The following MAP3K5 variants were observed in gnomAD, a reference collection of about 807,000 sequenced individuals.
MAP3K5 encodes the protein mitogen-activated protein kinase kinase kinase 5, also known as ASK-1.
In MAP3K5, 56 loss-of-function variants were observed where a neutral mutation model predicts 158.7. That is an observed-to-expected ratio of 0.35 (90% confidence interval 0.28 to 0.44). The LOEUF (loss-of-function observed/expected upper bound fraction) is 0.44, where lower values mean the gene tolerates loss of function less well. Ranked by LOEUF, MAP3K5 falls within the 20% of genes least tolerant of loss-of-function variation. The pLI, the probability that MAP3K5 is intolerant of heterozygous loss-of-function variation, is 1.00. For synonymous variants in MAP3K5, 579 were observed against 601.7 expected, an observed-to-expected ratio of 0.96 and a Z score of 0.55; for missense variants, 1,294 against 1,674.8, an observed-to-expected ratio of 0.77 and a Z score of 3.97.
At chr6:136,771,624 T>G (rs1000166546) in intron 1 of MAP3K5, among the ~76,000 whole-genome samples, 8 of 152,176 alleles carry the variant, frequency 5.3e-5, no homozygotes, top group African/African-American at 1.4e-4. Flanking sequence ...GAGCTACTAC[T>G]CTCTGCCTAC....
intron 11 of MAP3K5, among the ~76,000 whole-genome samples, chr6:136,650,763 T>TA (rs1469312695): frequency 1.3e-5 from 2 of 152,238 alleles, no homozygotes; most frequent in African/African-American, 4.8e-5. Context: ...CCATCTATAA[T>TA]AAAAATCCAA....
chr6:136,767,132 T>C (rs989612659), intron 1 of MAP3K5, among the ~76,000 whole-genome samples: 3 of 152,160 alleles, frequency 2.0e-5, no homozygotes, highest in African/African-American at 7.2e-5. Flanking sequence ...TTTCAAAAAA[T>C]ATTCTGACTT....
At chr6:136,651,390 ATAACTT>A (rs1305145330) in intron 10 of MAP3K5, among the ~76,000 whole-genome samples, 1 of 152,228 alleles carries the variant, frequency 6.6e-6, no homozygotes, top group Non-Finnish European at 1.5e-5. Flanking sequence ...TCTACTAGTG[ATAACTT>A]TAAAAAATCT....
intron 23 of MAP3K5, among the ~76,000 whole-genome samples, chr6:136,591,639 A>G (rs1049119311): frequency 3.3e-5 from 5 of 152,248 alleles, no homozygotes; most frequent in Non-Finnish European, 7.3e-5. Context: ...ATTTTGCTTC[A>G]GTCACAGTTT....
At chr6:136,672,145 G>A (rs769228410) in intron 7 of MAP3K5, among the ~76,000 whole-genome samples, 8 of 152,090 alleles carry the variant, frequency 5.3e-5, no homozygotes, top group Non-Finnish European at 1.0e-4. Flanking sequence ...TTGTATTGTG[G>A]ACAAATATTA....
At chr6:136,593,448 C>T (rs1185959480) in intron 21 of MAP3K5, among the ~76,000 whole-genome samples, 1 of 152,140 alleles carries the variant, frequency 6.6e-6, no homozygotes, top group East Asian at 1.9e-4. Flanking sequence ...TGAGTTGCCA[C>T]TCGGGCCCAC....
At chr6:136,683,186 G>C (rs769943955) in intron 7 of MAP3K5, among the ~76,000 whole-genome samples, 2 of 152,308 alleles carry the variant, frequency 1.3e-5, no homozygotes, top group Non-Finnish European at 2.9e-5. Context: ...TCCCAAAGAG[G>C]TTAGTCTAAA....
intron 8 of MAP3K5, among the ~76,000 whole-genome samples, chr6:136,662,272 T>G (rs1213863184): frequency 1.3e-5 from 2 of 152,188 alleles, no homozygotes; most frequent in Non-Finnish European, 2.9e-5. Context: ...CCCTTCCCAG[T>G]GAGGGGGACT....
At chr6:136,696,528 C>T (rs1162631906) in intron 5 of MAP3K5, among the ~76,000 whole-genome samples, 2 of 152,180 alleles carry the variant, frequency 1.3e-5, no homozygotes, top group Non-Finnish European at 2.9e-5. Context: ...CACAGCCCTC[C>T]ATGGATGTGA....
At position 136,567,739 on chromosome 6, in the gene MAP3K5, A is replaced by G; in HGVS notation, c.3653T>C (p.Val1218Ala). The G allele has an allele frequency of 6.2e-7, 1 of 1,614,142 alleles. No homozygotes were observed. The highest frequency in any genetic ancestry group is 8.5e-7 in the Non-Finnish European group (1 of 1,180,020). Residue 1218 changes from valine (V) to alanine (A), a missense_variant, in exon 26 of 30, where the codon GTG becomes GCG. Physicochemically the swap from Val to Ala is moderately conservative, Grantham distance 64. This residue lies in a region of MAP3K5 where 199 missense variants were observed against 220.3 expected (regional missense o/e 0.90). Transcript: ENST00000359015. Reference sequence around the variant, plus strand: ...GAGCGTGCTCACGCCTGAGGTAGCCACAGCATCTTCAATGACAGCCTGAGG... The same window carrying G: ...GAGCGTGCTCACGCCTGAGGTAGCCGCAGCATCTTCAATGACAGCCTGAGG... ...RRPQAVIEDA[V>A]ATSGVSTLSS...
chr6:136,700,697 A>C (rs1302266085), intron 3 of MAP3K5, among the ~76,000 whole-genome samples: 1 of 152,346 alleles, frequency 6.6e-6, no homozygotes, highest in East Asian at 1.9e-4. Context: ...AATGTCCAAA[A>C]GAGAGCTAGA....
chr6:136,729,185 C>T (rs1224370776), intron 1 of MAP3K5, among the ~76,000 whole-genome samples: 2 of 152,148 alleles, frequency 1.3e-5, no homozygotes, highest in African/African-American at 4.8e-5. Flanking sequence ...GGACACACAG[C>T]CTCAGTAAAG....
chr6:136,703,958 C>T (rs1185188143), intron 3 of MAP3K5, among the ~76,000 whole-genome samples: 1 of 152,196 alleles, frequency 6.6e-6, no homozygotes, highest in Non-Finnish European at 1.5e-5. Context: ...TAAATACTGG[C>T]TTACTTTCTG....
At chr6:136,576,397 T>C (rs1349195226) in intron 25 of MAP3K5, among the ~76,000 whole-genome samples, 2 of 152,152 alleles carry the variant, frequency 1.3e-5, no homozygotes, top group Non-Finnish European at 2.9e-5. Flanking sequence ...CTGTAGCCTC[T>C]ATCTCCTGGG....
At chr6:136,663,698 C>T (rs1331642039) in intron 8 of MAP3K5, among the ~76,000 whole-genome samples, 1 of 151,416 alleles carries the variant, frequency 6.6e-6, no homozygotes, top group East Asian at 1.9e-4. Context: ...CAACCTCCAC[C>T]TCCCAGGTTC....
intron 11 of MAP3K5, among the ~76,000 whole-genome samples, chr6:136,645,904 A>AT (rs1778231912): frequency 6.6e-6 from 1 of 152,210 alleles, no homozygotes; most frequent in East Asian, 1.9e-4. Context: ...TTTAGGAAAA[A>AT]TTTTTAAACA....
chr6:136,739,868 G>A (rs750257656), intron 1 of MAP3K5, among the ~76,000 whole-genome samples: 1 of 152,158 alleles, frequency 6.6e-6, no homozygotes, highest in Non-Finnish European at 1.5e-5. Flanking sequence ...ATTCTCAAGT[G>A]TCCTGGTTGG....
At position 136,697,267 on chromosome 6, in the gene MAP3K5, C is replaced by G. The variant is rs749735715; in HGVS notation, c.927G>C (p.Leu309Phe). 2.0e-5 allele frequency: 32 copies of G among 1,613,688 alleles called. No individual in the cohort carries two copies. The highest frequency in any genetic ancestry group is 2.6e-5 in the Non-Finnish European group (31 of 1,179,832). Reference protein sequence around the residue: ...IRQRVDNIEVLTADIVINLLL... With the variant: ...IRQRVDNIEVFTADIVINLLL... ...ACAGATTTATGACAATATCTGCTGTCAAGACTTCGATATTATCTACTCGCT... is the reference window on the plus strand; with the variant it reads ...ACAGATTTATGACAATATCTGCTGTGAAGACTTCGATATTATCTACTCGCT... The change falls in exon 5 of 30, where the codon TTG becomes TTC. Residue 309 changes from leucine (L) to phenylalanine (F), a missense_variant. By Grantham distance (22) the Leu-to-Phe change is conservative. Coordinates refer to ENST00000359015, the MANE Select transcript of MAP3K5 (RefSeq NM_005923.4).
At chr6:136,731,672 A>C (rs1477273756) in intron 1 of MAP3K5, among the ~76,000 whole-genome samples, 3 of 152,188 alleles carry the variant, frequency 2.0e-5, no homozygotes, top group African/African-American at 7.2e-5. Context: ...GTGAGGGACA[A>C]ATTTTAGCTT....
Sources: gnomAD v4.1 joint callset for allele counts (sites outside exome capture counted in the v4.1 genomes callset) on GRCh38, gnomAD v4.1.1 for gene constraint, gnomAD v4.1.1 regional missense constraint, MANE v1.5 for transcripts, NCBI Gene and HGNC (gene_info 2026-07-23, HGNC 2026-07-21) for gene names.